Variants in ATP8B4 observed in about 807,000 individuals in gnomAD.
ATP8B4 encodes ATPase phospholipid transporting 8B4 (putative).
In ATP8B4, 133 loss-of-function variants were observed where a neutral mutation model predicts 145.6. That is an observed-to-expected ratio of 0.91 (90% confidence interval 0.79 to 1.05). The LOEUF (loss-of-function observed/expected upper bound fraction) is 1.05. Ranked by LOEUF, ATP8B4 falls within the 50% of genes least tolerant of loss-of-function variation. ATP8B4 has a pLI of 0.00. For missense variants in ATP8B4, 1,458 were observed against 1,425.2 expected, an observed-to-expected ratio of 1.02 and a Z score of -0.37; for synonymous variants, 507 against 492.9, an observed-to-expected ratio of 1.03 and a Z score of -0.38.
chr15:50,004,806 G>A (rs983047605), intron 7 of ATP8B4, among the ~76,000 whole-genome samples: 11 of 152,112 alleles, frequency 7.2e-5, no homozygotes, highest in African/African-American at 2.7e-4. Flanking sequence ...TACTGCAAGG[G>A]ATACCAAAAT....
chr15:50,114,074 G>A (rs1433124471), intron 1 of ATP8B4, among the ~76,000 whole-genome samples: 2 of 54,624 alleles, frequency 3.7e-5, no homozygotes, highest in Admixed American at 4.2e-4. Flanking sequence ...CATATCCCCT[G>A]TTCATTTTCC....
At chr15:50,020,781 A>T (rs2049490558) in intron 6 of ATP8B4, among the ~76,000 whole-genome samples, 2 of 152,048 alleles carry the variant, frequency 1.3e-5, no homozygotes, top group African/African-American at 4.8e-5. Flanking sequence ...CTGCCCTCAA[A>T]ATACATCTCA....
chr15:50,059,906 C>T (rs2052882073), intron 3 of ATP8B4, among the ~76,000 whole-genome samples: 1 of 152,090 alleles, frequency 6.6e-6, no homozygotes, highest in Non-Finnish European at 1.5e-5. Flanking sequence ...GTGGCCTGAG[C>T]CCTTTTTTAG....
intron 1 of ATP8B4, among the ~76,000 whole-genome samples, chr15:50,143,829 T>A (rs2044242994): frequency 6.6e-6 from 1 of 152,156 alleles, no homozygotes; most frequent in Non-Finnish European, 1.5e-5. Flanking sequence ...TTGGCTAAAG[T>A]GAACTAATCA....
At chr15:50,081,412 C>A (rs1234317165) in intron 2 of ATP8B4, among the ~76,000 whole-genome samples, 2 of 152,216 alleles carry the variant, frequency 1.3e-5, no homozygotes, top group East Asian at 3.9e-4. Context: ...CTTAAAGTTG[C>A]TAATATGATT....
chr15:50,085,958 T>TATAAATATATATGATATATATC (rs2054953487), intron 2 of ATP8B4, among the ~76,000 whole-genome samples: 1 of 29,238 alleles, frequency 3.4e-5, no homozygotes, highest in Non-Finnish European at 5.0e-5. Flanking sequence ...ATATATCATA[T>TATAAATATATATGATATATATC]ATATTTATAT....
At position 50,002,199 on chromosome 15, in the gene ATP8B4, T is replaced by C; in HGVS notation, c.460A>G (p.Ser154Gly). 6.2e-7 allele frequency: 1 copy of C among 1,610,860 alleles called. No individual in the cohort carries two copies. The highest frequency in any genetic ancestry group is 8.5e-7 in the Non-Finnish European group (1 of 1,177,786). ...VAADLLLLSS[S>G]EPHGLCYVET... ...ACATAACAGAGACCATGTGGCTCAC[T>C]ACTTGATAGGAGAAGTAAATCAGCC... Residue 154 changes from serine to glycine, a missense_variant, in exon 8 of 28, where the codon AGT becomes GGT. Coordinates refer to ENST00000284509, the MANE Select transcript of ATP8B4 (RefSeq NM_024837.4).
chr15:49,912,540 C>A (rs931325120), intron 20 of ATP8B4, among the ~76,000 whole-genome samples: 1 of 151,984 alleles, frequency 6.6e-6, no homozygotes, highest in South Asian at 2.1e-4. Flanking sequence ...AGTCTCCCAA[C>A]AAAGAAAAAC....
intron 4 of ATP8B4, among the ~76,000 whole-genome samples, chr15:50,046,252 G>A (rs912040761): frequency 2.6e-5 from 4 of 151,858 alleles, no homozygotes; most frequent in African/African-American, 4.8e-5. Context: ...TCCTTCATTC[G>A]TTTTCTCTCT....
rs546052342 is a variant in ATP8B4, at chr15:50,168,727, G to A, written c.-43+13534C>T. ...ACGAAACAGGCATGTAGACTTCACAGGTCAGGGAAGGACTAAAGCCCTTTT... is the reference window on the plus strand; with the variant it reads ...ACGAAACAGGCATGTAGACTTCACAAGTCAGGGAAGGACTAAAGCCCTTTT... On this transcript the variant is annotated intron_variant, in intron 1 of 3. Transcript: ENST00000558829. Among the ~76,000 whole-genome samples the A allele has an allele frequency of 3.3e-4, 50 of 152,314 alleles. No homozygotes were observed. The East Asian group carries it at 9.3e-3, about 28-fold the overall frequency.
chr15:49,950,991 T>A (rs1345495595), intron 14 of ATP8B4, among the ~76,000 whole-genome samples: 1 of 152,246 alleles, frequency 6.6e-6, no homozygotes, highest in Admixed American at 6.5e-5. Flanking sequence ...TTAATTTCCA[T>A]GAAATTGTGT....
chr15:49,920,565 C>A (rs568294342), intron 17 of ATP8B4, among the ~76,000 whole-genome samples, 155 bp from the exon 18 acceptor site: 1 of 152,270 alleles, frequency 6.6e-6, no homozygotes, highest in East Asian at 1.9e-4. Flanking sequence ...TTAATCTCCT[C>A]AGAAATGGGA....
chr15:50,035,852 G>A (rs984304710), intron 6 of ATP8B4, among the ~76,000 whole-genome samples: 3 of 152,104 alleles, frequency 2.0e-5, no homozygotes, highest in African/African-American at 7.2e-5. Context: ...ACATGCCAAT[G>A]GCTCCTGCCC....
At chr15:49,874,856 A>G (rs2034161740) in intron 25 of ATP8B4, among the ~76,000 whole-genome samples, 1 of 152,198 alleles carries the variant, frequency 6.6e-6, no homozygotes. Context: ...TGTGATTTCA[A>G]CATTCAACTG....
At chr15:49,985,044 G>C (rs1017879512) in intron 10 of ATP8B4, among the ~76,000 whole-genome samples, 1 of 152,070 alleles carries the variant, frequency 6.6e-6, no homozygotes, top group East Asian at 1.9e-4. Flanking sequence ...ACAATTCCTA[G>C]TGGTAGGTAT....
At chr15:49,964,122 C>T (rs2044322872) in intron 13 of ATP8B4, among the ~76,000 whole-genome samples, 1 of 152,254 alleles carries the variant, frequency 6.6e-6, no homozygotes, top group Non-Finnish European at 1.5e-5. Flanking sequence ...ATGCTATGAG[C>T]ACCAACCACT....
intron 26 of ATP8B4, among the ~76,000 whole-genome samples, chr15:49,865,586 GA>G (rs2032650057): frequency 6.6e-6 from 1 of 152,206 alleles, no homozygotes; most frequent in African/African-American, 2.4e-5. Context: ...CCTCCAAGGA[GA>G]TATTGCCGGA....
At chr15:50,166,724 C>G (rs1212754013) in intron 1 of ATP8B4, among the ~76,000 whole-genome samples, 2 of 152,058 alleles carry the variant, frequency 1.3e-5, no homozygotes, top group Non-Finnish European at 2.9e-5. Flanking sequence ...AAGAATATGA[C>G]CTAGAAAACT....
intron 1 of ATP8B4, among the ~76,000 whole-genome samples, chr15:50,110,975 GA>G (rs1182648460): frequency 1.3e-5 from 2 of 151,978 alleles, no homozygotes; most frequent in African/African-American, 4.8e-5. Flanking sequence ...TCTAATGCAA[GA>G]AATAGCAAAG....
Sources: allele counts gnomAD v4.1 joint callset (sites outside exome capture counted in the v4.1 genomes callset), GRCh38; gene constraint gnomAD v4.1.1; transcripts MANE v1.5; gene names NCBI Gene and HGNC (gene_info 2026-07-23, HGNC 2026-07-21).